Variants in KIZ observed in about 807,000 individuals in gnomAD.
KIZ encodes the protein centrosomal protein kizuna.
A neutral mutation model predicts 79.6 loss-of-function variants in KIZ; 68 were observed. The observed-to-expected ratio is 0.85, with a 90% CI of 0.70 to 1.05. KIZ has a LOEUF of 1.05. Among genes scored for constraint, KIZ ranks in the 50% least tolerant of loss-of-function variants. KIZ has a pLI of 0.00. For synonymous variants in KIZ, 280 were observed against 281.8 expected (o/e 0.99, Z 0.06); for missense variants, 797 against 800.4 (o/e 1.00, Z 0.05).
At chr20:21,154,032 G>A (rs981580519) in intron 4 of KIZ, 1 of 152,126 alleles carries the variant, frequency 6.6e-6, no homozygotes, top group South Asian at 2.1e-4. Flanking sequence ...ATTGTTGGAT[G>A]TAAATTATTG....
At chr20:21,170,199 A>C (rs2122784513) in intron 6 of KIZ, among the ~76,000 whole-genome samples, 1 of 152,250 alleles carries the variant, frequency 6.6e-6, no homozygotes, top group East Asian at 1.9e-4. Flanking sequence ...TATAGGGTAC[A>C]TGAAATATTT....
intron 6 of KIZ, among the ~76,000 whole-genome samples, chr20:21,174,295 A>G (rs1336538139): frequency 1.3e-5 from 2 of 152,118 alleles, no homozygotes; most frequent in Admixed American, 1.3e-4. Flanking sequence ...TCATCATTTT[A>G]CAGATGAGAA....
intron 6 of KIZ, among the ~76,000 whole-genome samples, chr20:21,184,460 A>G (rs1053507921): frequency 6.6e-6 from 1 of 152,086 alleles, no homozygotes; most frequent in African/African-American, 2.4e-5. Context: ...CCCTGACTTC[A>G]TTACTGCCTG....
At chr20:21,193,719 A>G (rs1030749504) in intron 6 of KIZ, among the ~76,000 whole-genome samples, 1 of 151,764 alleles carries the variant, frequency 6.6e-6, no homozygotes, top group African/African-American at 2.4e-5. Context: ...CATGGATGAA[A>G]CTGGAAACCA....
intron 6 of KIZ, among the ~76,000 whole-genome samples, chr20:21,182,965 A>G (rs189162824): frequency 1.3e-5 from 2 of 152,166 alleles, no homozygotes; most frequent in Admixed American, 6.5e-5. Context: ...ATCACAGTCT[A>G]CTCTGGAATG....
intron 6 of KIZ, chr20:21,197,127 T>C (rs143968604): frequency 1.4e-4 from 22 of 152,246 alleles, no homozygotes; most frequent in Non-Finnish European, 3.2e-4. Flanking sequence ...CTATAGCTTT[T>C]TAGAATCATG....
At chr20:21,141,414 G>A (rs1012071008) in intron 3 of KIZ, among the ~76,000 whole-genome samples, 1 of 152,170 alleles carries the variant, frequency 6.6e-6, no homozygotes, top group Admixed American at 6.5e-5. Context: ...GTGTCCAGCA[G>A]CTCCTAAGCA....
chr20:21,201,018 A>C (rs1345051359), intron 6 of KIZ, among the ~76,000 whole-genome samples: 1 of 151,932 alleles, frequency 6.6e-6, no homozygotes, highest in Non-Finnish European at 1.5e-5. Flanking sequence ...CATCTCTACA[A>C]AAAAATACAA....
intron 2 of KIZ, among the ~76,000 whole-genome samples, chr20:21,133,609 A>T (rs555509018): frequency 4.6e-5 from 7 of 152,336 alleles, no homozygotes; most frequent in Non-Finnish European, 1.0e-4. Flanking sequence ...GACAGAGGAT[A>T]TGATTTGCTA....
At chr20:21,128,802 A>T (rs1399534890) in intron 1 of KIZ, among the ~76,000 whole-genome samples, 1 of 152,218 alleles carries the variant, frequency 6.6e-6, no homozygotes, top group African/African-American at 2.4e-5. Context: ...TTCAGTGCCT[A>T]TATTGATTCA....
At chr20:21,178,662 A>G (rs1568949548) in intron 6 of KIZ, among the ~76,000 whole-genome samples, 1 of 152,158 alleles carries the variant, frequency 6.6e-6, no homozygotes, top group Non-Finnish European at 1.5e-5. Context: ...ATCTCAAAGG[A>G]AAAGCTTTCA....
intron 4 of KIZ, among the ~76,000 whole-genome samples, chr20:21,154,475 C>T (rs2033276838): frequency 6.6e-6 from 1 of 152,064 alleles, no homozygotes. Flanking sequence ...CTATTGCTTC[C>T]CACAACTCCT....
intron 6 of KIZ, among the ~76,000 whole-genome samples, chr20:21,204,566 C>T (rs2035736065): frequency 6.6e-6 from 1 of 151,972 alleles, no homozygotes. Context: ...TAAATTGTCC[C>T]ATCTTTGACA....
chr20:21,241,905 G>A (rs1362664000), intron 11 of KIZ, among the ~76,000 whole-genome samples: 5 of 148,430 alleles, frequency 3.4e-5, no homozygotes, highest in African/African-American at 2.5e-5. Context: ...TTTTTTCTTT[G>A]CCAGCAGGGA....
Position 21,232,720 on chromosome 20 carries a change from T to TA in KIZ, c.1784-13dup. 7.0e-7 allele frequency: 1 copy of TA among 1,426,454 alleles called. No individual in the cohort carries two copies. The highest frequency in any genetic ancestry group is 9.8e-7 in the Non-Finnish European group (1 of 1,021,036). 88.4% of individuals were successfully genotyped at this position (1,426,454 alleles called of 1,614,324 possible). On this transcript the variant is annotated splice_polypyrimidine_tract_variant and intron_variant, in intron 10 of 12. Coordinates refer to ENST00000619189, the MANE Select transcript of KIZ (RefSeq NM_018474.6). ...ACAGCTAACCCTCACTCTCCATGTT[T>TA]ACGCTTATCACAGGTTTGAATATTG...
intron 6 of KIZ, chr20:21,197,317 TTAAGAA>T (rs2123092698): frequency 6.6e-6 from 1 of 152,358 alleles, no homozygotes; most frequent in African/African-American, 2.4e-5. Flanking sequence ...CCTATTCTGA[TTAAGAA>T]TAAAGAAAAT....
chr20:21,200,080 C>T (rs898439501), intron 6 of KIZ, among the ~76,000 whole-genome samples: 7 of 152,176 alleles, frequency 4.6e-5, no homozygotes, highest in African/African-American at 1.7e-4. Flanking sequence ...CTCTGCCTCC[C>T]AAAGTGCTGG....
upstream of KIZ, chr20:21,126,025 T>G (rs1180270823): frequency 1.2e-5 from 16 of 1,354,350 alleles, no homozygotes; most frequent in Admixed American, 2.5e-4. Context: ...GCGCGGTGTT[T>G]ACCCGCGGTG....
chr20:21,246,411 T>C (rs1337949390), intron 12 of KIZ, 68 bp from the exon 13 acceptor site: 2 of 909,474 alleles, frequency 2.2e-6, no homozygotes, highest in Non-Finnish European at 3.6e-6. Flanking sequence ...CCTTCCGTGC[T>C]GTGCTGTTTT....
Sources: allele counts gnomAD v4.1 joint callset (sites outside exome capture counted in the v4.1 genomes callset), GRCh38; gene constraint gnomAD v4.1.1; transcripts MANE v1.5; gene names NCBI Gene and HGNC (gene_info 2026-07-23, HGNC 2026-07-21).